NRXN3: variants seen among roughly 807,000 people sequenced by gnomAD.
The protein encoded by NRXN3 is neurexin III.
Under a neutral mutation model 137.6 loss-of-function variants are expected in NRXN3, and 32 were observed. The observed-to-expected ratio is 0.23, with a 90% CI of 0.18 to 0.31. NRXN3 has a LOEUF of 0.31. Ranked by LOEUF, NRXN3 falls within the 10% of genes least tolerant of loss-of-function variation. The pLI, the probability that NRXN3 is intolerant of heterozygous loss-of-function variation, is 1.00. For missense variants in NRXN3, 1,574 were observed against 2,062.5 expected, an observed-to-expected ratio of 0.76 and a Z score of 4.59; for synonymous variants, 798 against 784.5, an observed-to-expected ratio of 1.02 and a Z score of -0.29.
chr14:78,511,993 G>A (rs1183847633), intron 4 of NRXN3, among the ~76,000 whole-genome samples: 1 of 152,148 alleles, frequency 6.6e-6, no homozygotes, highest in East Asian at 1.9e-4. Context: ...CTCATTAGGA[G>A]GTTGTATTAA....
intron 10 of NRXN3, among the ~76,000 whole-genome samples, chr14:78,898,285 T>G (rs750645683): frequency 6.6e-6 from 1 of 151,928 alleles, no homozygotes; most frequent in Non-Finnish European, 1.5e-5. Flanking sequence ...CTGAGAGAAT[T>G]CATTGGGTGT....
intron 15 of NRXN3, among the ~76,000 whole-genome samples, chr14:79,047,907 T>C (rs2099635398): frequency 6.6e-6 from 1 of 152,152 alleles, no homozygotes; most frequent in Non-Finnish European, 1.5e-5. Context: ...AAACTAAGAC[T>C]TCGTAAGTTT....
intron 8 of NRXN3, among the ~76,000 whole-genome samples, chr14:78,737,681 C>G (rs1183126999): frequency 1.3e-5 from 2 of 152,096 alleles, no homozygotes; most frequent in African/African-American, 2.4e-5. Context: ...CCAGTCTTAG[C>G]TCTAAACGAC....
chr14:78,815,681 T>C (rs2153110012), intron 10 of NRXN3, among the ~76,000 whole-genome samples: 1 of 152,152 alleles, frequency 6.6e-6, no homozygotes, highest in Non-Finnish European at 1.5e-5. Flanking sequence ...TTCCTCTCCA[T>C]GGTACAAGAA....
intron 16 of NRXN3, among the ~76,000 whole-genome samples, chr14:79,485,445 TC>T (rs1212138594): frequency 6.6e-6 from 1 of 152,198 alleles, no homozygotes; most frequent in Non-Finnish European, 1.5e-5. Flanking sequence ...AATAATTCTT[TC>T]CCTTCAATTA....
At chr14:78,401,331 A>G (rs1598274813) in intron 4 of NRXN3, among the ~76,000 whole-genome samples, 1 of 150,358 alleles carries the variant, frequency 6.7e-6, no homozygotes, top group East Asian at 2.2e-4. Context: ...TGCCTGACTA[A>G]TTTTTGTATT....
intron 2 of NRXN3, among the ~76,000 whole-genome samples, chr14:78,274,701 G>T (rs1025070972): frequency 6.6e-6 from 1 of 152,202 alleles, no homozygotes; most frequent in Non-Finnish European, 1.5e-5. Flanking sequence ...CAGAGTGGAG[G>T]CAGGAATACC....
chr14:78,735,258 C>T (rs779770840), intron 8 of NRXN3, among the ~76,000 whole-genome samples: 8 of 152,134 alleles, frequency 5.3e-5, no homozygotes, highest in East Asian at 1.9e-4. Context: ...AATTGCAAAA[C>T]GGAGAATGCT....
intron 16 of NRXN3, among the ~76,000 whole-genome samples, chr14:79,501,679 A>G (rs974092375): frequency 2.0e-5 from 3 of 151,786 alleles, no homozygotes; most frequent in African/African-American, 7.3e-5. Context: ...CATTCTTCCT[A>G]TGACACCATT....
chr14:78,543,363 A>G (rs999634235), intron 4 of NRXN3, among the ~76,000 whole-genome samples: 1 of 152,150 alleles, frequency 6.6e-6, no homozygotes. Flanking sequence ...GGATTTTAAC[A>G]GGTGTCCTCA....
At chr14:78,847,764 C>A (rs977483114) in intron 10 of NRXN3, among the ~76,000 whole-genome samples, 9 of 152,048 alleles carry the variant, frequency 5.9e-5, no homozygotes. Context: ...ATTCTATAAA[C>A]GTCAGTGGAA....
chr14:79,693,476 C>T (rs778501028), intron 18 of NRXN3, among the ~76,000 whole-genome samples: 6 of 151,930 alleles, frequency 3.9e-5, no homozygotes, highest in African/African-American at 1.4e-4. Context: ...ATCATCAGCT[C>T]ATAAAGTCCC....
At chr14:78,291,826 T>C (rs2075832771) in intron 3 of NRXN3, among the ~76,000 whole-genome samples, 2 of 152,250 alleles carry the variant, frequency 1.3e-5, no homozygotes, top group Non-Finnish European at 2.9e-5. Flanking sequence ...TATATGTGGA[T>C]TTTTCACTGA....
At chr14:79,501,951 T>C (rs1187787971) in intron 16 of NRXN3, among the ~76,000 whole-genome samples, 2 of 152,138 alleles carry the variant, frequency 1.3e-5, no homozygotes, top group African/African-American at 4.8e-5. Context: ...TCTGTTACTT[T>C]TTAAAAAAAG....
At chr14:79,583,568 T>C (rs1000338827) in intron 16 of NRXN3, among the ~76,000 whole-genome samples, 1 of 152,172 alleles carries the variant, frequency 6.6e-6, no homozygotes, top group Non-Finnish European at 1.5e-5. Context: ...CCTACATGCA[T>C]AGCAACGTCC....
chr14:79,607,620 A>T (rs534092859), intron 16 of NRXN3, among the ~76,000 whole-genome samples: 15 of 152,220 alleles, frequency 9.9e-5, no homozygotes, highest in African/African-American at 3.6e-4. Context: ...AAACATTTTC[A>T]GGACCAAAGA....
chr14:79,007,122 T>C (rs1349752698), intron 15 of NRXN3, among the ~76,000 whole-genome samples: 3 of 152,224 alleles, frequency 2.0e-5, no homozygotes, highest in Non-Finnish European at 4.4e-5. Flanking sequence ...TGGATACTTT[T>C]ATTGTGTAAA....
rs1165952492 is a variant in NRXN3 at position 79,698,998 on chromosome 14, T to TTTTTCC, written c.4014+1070_4014+1075dup. 2.0e-5 allele frequency among the ~76,000 whole-genome samples: 3 copies of TTTTTCC among 152,130 alleles called. No individual in the cohort carries two copies. In the East Asian group the frequency reaches 5.8e-4, roughly 30 times the overall value. ...GTAAGTGTATTATCTGTTGCCTTCC[T>TTTTTCC]TTTTCCTTTTCCTTGAGCAGAAGTA... On this transcript the variant is annotated intron_variant, in intron 19 of 20. Coordinates refer to ENST00000335750, the MANE Select transcript of NRXN3 (RefSeq NM_001330195.2).
intron 15 of NRXN3, among the ~76,000 whole-genome samples, chr14:79,008,138 A>G (rs935181722): frequency 6.6e-6 from 1 of 152,180 alleles, no homozygotes; most frequent in Admixed American, 6.5e-5. Context: ...GATAAAAGCT[A>G]TCTCCATTTG....
Sources: gnomAD v4.1 joint callset for allele counts (sites outside exome capture counted in the v4.1 genomes callset) on GRCh38, gnomAD v4.1.1 for gene constraint, MANE v1.5 for transcripts, NCBI Gene and HGNC (gene_info 2026-07-23, HGNC 2026-07-21) for gene names.